The following KCNC2 variants were observed in gnomAD, a reference collection of about 807,000 sequenced individuals.
KCNC2 encodes voltage-gated potassium channel KCNC2.
In KCNC2, 21 loss-of-function variants were observed where a neutral mutation model predicts 44.5. That is an observed-to-expected ratio of 0.47 (90% CI 0.33 to 0.68). The LOEUF is 0.68. Ranked by LOEUF, KCNC2 falls within the 30% of genes least tolerant of loss-of-function variation. The probability of loss-of-function intolerance (pLI) is 0.01; values close to 1 mark genes in which losing one functional copy is unlikely to be tolerated. For missense variants in KCNC2, 589 were observed against 826.2 expected, an observed-to-expected ratio of 0.71 and a Z score of 3.52; for synonymous variants, 391 against 339.1, an observed-to-expected ratio of 1.15 and a Z score of -1.68.
intron 2 of KCNC2, among the ~76,000 whole-genome samples, chr12:75,185,674 A>T (rs1892891285): frequency 6.6e-6 from 1 of 152,164 alleles, no homozygotes; most frequent in Non-Finnish European, 1.5e-5. Context: ...TAGCAACACA[A>T]AACTAAGGCA....
chr12:75,115,906 A>C (rs1887626551), intron 2 of KCNC2, among the ~76,000 whole-genome samples: 2 of 152,136 alleles, frequency 1.3e-5, no homozygotes. Context: ...CCCTGCTTTG[A>C]ATGCATTTAT....
At chr12:75,138,386 C>G (rs1353741167) in intron 2 of KCNC2, among the ~76,000 whole-genome samples, 2 of 152,030 alleles carry the variant, frequency 1.3e-5, no homozygotes, top group African/African-American at 4.8e-5. Flanking sequence ...TGCAAGTAGA[C>G]CTGAGGTTAC....
chr12:75,069,963 T>G (rs1350846009), intron 2 of KCNC2, among the ~76,000 whole-genome samples: 1 of 152,124 alleles, frequency 6.6e-6, no homozygotes, highest in African/African-American at 2.4e-5. Context: ...ATTAACAGGA[T>G]CGAATTGGCT....
At chr12:75,183,930 A>C (rs1892765336) in intron 2 of KCNC2, among the ~76,000 whole-genome samples, 1 of 152,038 alleles carries the variant, frequency 6.6e-6, no homozygotes, top group Non-Finnish European at 1.5e-5. Flanking sequence ...GAGTTCCAGC[A>C]TTACTCAACT....
At chr12:75,142,786 A>G (rs1306938254) in intron 2 of KCNC2, among the ~76,000 whole-genome samples, 1 of 152,206 alleles carries the variant, frequency 6.6e-6, no homozygotes, top group East Asian at 1.9e-4. Context: ...ATCCCAAGAC[A>G]ATATACATTA....
Position 75,153,033 on chromosome 12 carries a change from T to C in KCNC2, c.687+54264A>G, listed in dbSNP as rs1367865035. Among the ~76,000 whole-genome samples the C allele has an allele frequency of 2.6e-5, 4 of 151,924 alleles. No homozygotes were observed. In the East Asian group the frequency reaches 7.7e-4, roughly 29 times the overall value. On this transcript the variant is annotated intron_variant, in intron 2 of 4. Transcript: ENST00000549446. ...GTGGGAAAAGTGGCAACAATAAACATGGATGAATTTTTAGGTATCGTGAAG... is the reference window on the plus strand; with the variant it reads ...GTGGGAAAAGTGGCAACAATAAACACGGATGAATTTTTAGGTATCGTGAAG...
chr12:75,194,917 A>G (rs2030630480), intron 2 of KCNC2, among the ~76,000 whole-genome samples: 1 of 152,180 alleles, frequency 6.6e-6, no homozygotes, highest in African/African-American at 2.4e-5. Flanking sequence ...CCATCTTCCC[A>G]GTTTAATACC....
At chr12:75,092,545 A>G (rs1446894700) in intron 2 of KCNC2, among the ~76,000 whole-genome samples, 1 of 151,686 alleles carries the variant, frequency 6.6e-6, no homozygotes, top group Non-Finnish European at 1.5e-5. Context: ...GTTTTCATTA[A>G]AATTCACTGA....
chr12:75,070,544 T>A (rs1052238464), intron 2 of KCNC2, among the ~76,000 whole-genome samples: 1 of 151,908 alleles, frequency 6.6e-6, no homozygotes, highest in Admixed American at 6.6e-5. Context: ...TAACAGTATG[T>A]AGAAAGAAAA....
chr12:75,043,692 G>A, intron 4 of KCNC2: 1 of 1,377,726 alleles, frequency 7.3e-7, no homozygotes, highest in Non-Finnish European at 9.4e-7. Context: ...AAGTTTAAAT[G>A]GACAACTCTT....
At chr12:75,147,405 T>C (rs1342246467) in intron 2 of KCNC2, among the ~76,000 whole-genome samples, 1 of 152,166 alleles carries the variant, frequency 6.6e-6, no homozygotes, top group Admixed American at 6.6e-5. Context: ...TACCATCATA[T>C]TCACACTGAA....
chr12:75,049,354 T>C (rs561085961), intron 3 of KCNC2, among the ~76,000 whole-genome samples: 1 of 152,246 alleles, frequency 6.6e-6, no homozygotes, highest in Non-Finnish European at 1.5e-5. Context: ...AAAATCATCA[T>C]AAGTCATTTT....
chr12:75,108,015 A>G (rs975219851), intron 2 of KCNC2, among the ~76,000 whole-genome samples: 6 of 152,166 alleles, frequency 3.9e-5, no homozygotes, highest in African/African-American at 1.4e-4. Flanking sequence ...AGTCACAAAA[A>G]TCGTCCTTAG....
chr12:75,100,844 T>C (rs1396048181), intron 2 of KCNC2, among the ~76,000 whole-genome samples: 1 of 152,090 alleles, frequency 6.6e-6, no homozygotes, highest in African/African-American at 2.4e-5. Context: ...CTAATTTCTA[T>C]TGTATTGGAC....
chr12:75,093,015 CTT>C (rs759357469), intron 2 of KCNC2, among the ~76,000 whole-genome samples: 13 of 134,114 alleles, frequency 9.7e-5, no homozygotes, highest in Admixed American at 7.6e-5. Context: ...GACCTTTAGG[CTT>C]TTTTTTTTTT....
At chr12:75,130,597 T>C (rs1888768309) in intron 2 of KCNC2, among the ~76,000 whole-genome samples, 1 of 152,162 alleles carries the variant, frequency 6.6e-6, no homozygotes, top group Non-Finnish European at 1.5e-5. Flanking sequence ...TAGAAAGTGA[T>C]GAACACATCA....
At position 75,138,071 on chromosome 12, in the gene KCNC2, A is replaced by G. The variant is rs187446266; in HGVS notation, c.687+69226T>C. ...GCTGTGGTCTCACATGGACTGACTC[A>G]CTGACCTGGACATAAACAGAATCCT... is the stretch of plus-strand genomic sequence containing the variant. On this transcript the variant is annotated intron_variant, in intron 2 of 4. Coordinates refer to ENST00000549446, the MANE Select transcript of KCNC2 (RefSeq NM_139137.4). Among the ~76,000 whole-genome samples, 735 of 152,320 alleles carry G rather than the reference A, an allele frequency of 4.8e-3. 16 individuals are homozygous for G. The highest frequency in any genetic ancestry group is 7.8e-4 in the Non-Finnish European group (53 of 68,018).
intron 2 of KCNC2, among the ~76,000 whole-genome samples, chr12:75,189,539 G>A (rs1189998491): frequency 6.6e-6 from 1 of 152,192 alleles, no homozygotes; most frequent in African/African-American, 2.4e-5. Context: ...AAACACTTCT[G>A]TAAGTACCTA....
At chr12:75,092,196 T>C (rs1231296387) in intron 2 of KCNC2, among the ~76,000 whole-genome samples, 1 of 151,562 alleles carries the variant, frequency 6.6e-6, no homozygotes, top group African/African-American at 2.4e-5. Flanking sequence ...AACACTGCAC[T>C]TAAGAACAAA....
Sources: allele counts gnomAD v4.1 joint callset (sites outside exome capture counted in the v4.1 genomes callset), GRCh38; gene constraint gnomAD v4.1.1; transcripts MANE v1.5; gene names NCBI Gene and HGNC (gene_info 2026-07-23, HGNC 2026-07-21).